The following SYTL2 variants were observed in gnomAD, a reference collection of about 807,000 sequenced individuals.
The protein encoded by SYTL2 is synaptotagmin like 2.
SYTL2 carries 165 observed loss-of-function variants against 198.7 expected under a neutral mutation model. The observed-to-expected ratio is 0.83, with a 90% confidence interval of 0.73 to 0.94. The LOEUF (loss-of-function observed/expected upper bound fraction) is 0.94. Among genes scored for constraint, SYTL2 ranks in the 40% least tolerant of loss-of-function variants. SYTL2 has a pLI of 0.00. For synonymous variants in SYTL2, 966 were observed against 917.7 expected, an observed-to-expected ratio of 1.05 and a Z score of -0.95; for missense variants, 2,835 against 2,582.8, an observed-to-expected ratio of 1.10 and a Z score of -2.12.
At chr11:85,748,075 C>T (rs1404948663) in intron 3 of SYTL2, among the ~76,000 whole-genome samples, 197 bp downstream of exon 3, 1 of 152,174 alleles carries the variant, frequency 6.6e-6, no homozygotes, top group African/African-American at 2.4e-5. Flanking sequence ...TGTTCCTCTA[C>T]ACCACACTGA....
Position 85,724,848 on chromosome 11 carries a change from G to C in SYTL2, c.4510C>G (p.Leu1504Val), listed in dbSNP as rs1000825850. ...AAGGTTTCAGTTTCTTCCTTCAGTA[G>C]TTTTTCTAAGCCAGCACTGAATTCG... ...FLEFSAGLEK[L>V]LKEETETFPS... Residue 1504 changes from leucine to valine, a missense_variant, in exon 8 of 20, where the codon CTA (leucine) becomes GTA (valine). Leu to Val is a conservative substitution (Grantham distance 32, BLOSUM62 1). Transcript: ENST00000359152. 2.5e-6 allele frequency: 4 copies of C among 1,613,524 alleles called. No individual in the cohort carries two copies. Among genetic ancestry groups the C allele is most frequent in the Admixed American group, 1.7e-5 (1 of 59,912 alleles).
At chr11:85,819,767 C>T in the SYTL2 span, among the ~76,000 whole-genome samples, 2 of 152,206 alleles carry the variant, frequency 1.3e-5, no homozygotes, top group Admixed American at 1.3e-4. Flanking sequence ...GATCTCATCC[C>T]TCTCTCTCAT....
In SYTL2 at chr11:85,765,320, G is replaced by A. The variant is rs180692268; in HGVS notation, c.-389-7206C>T. 4.1e-3 allele frequency among the ~76,000 whole-genome samples: 626 copies of A among 152,102 alleles called. 6 individuals are homozygous for A. The highest frequency in any genetic ancestry group is 0.014 in the African/African-American group (592 of 41,510). On this transcript the variant is annotated intron_variant, in intron 1 of 19. Transcript: ENST00000359152. ...GGCGTGATCTCCGCTCACTGCAACC[G>A]CCGCCTCCCAGGTTCAAATGATTCT...
intron 12 of SYTL2, among the ~76,000 whole-genome samples, chr11:85,713,807 T>C (rs757964955): frequency 3.3e-5 from 5 of 152,168 alleles, no homozygotes; most frequent in Non-Finnish European, 5.9e-5. Flanking sequence ...GTACAGTATA[T>C]AGTATAGTCA....
At position 85,727,976 on chromosome 11, in the gene SYTL2, T is replaced by C. The variant is rs200235154; in HGVS notation, c.1391-9A>G. On this transcript the variant is annotated splice_polypyrimidine_tract_variant and intron_variant, in intron 7 of 19. Coordinates refer to ENST00000359152, the MANE Select transcript of SYTL2 (RefSeq NM_206927.4). ...ACAATGAGACAGTTCATCTGCAACA[T>C]AGAAATACTTTTCTAAATAAGAAAA... The C allele has an allele frequency of 3.5e-5, 54 of 1,561,194 alleles. No homozygotes were observed. The highest frequency in any genetic ancestry group is 2.3e-4 in the East Asian group (10 of 44,404).
At chr11:85,728,002 G>C (rs768547367) in intron 7 of SYTL2, 35 bp from the exon 8 acceptor site, 1 of 1,519,908 alleles carries the variant, frequency 6.6e-7, no homozygotes, top group African/African-American at 1.4e-5. Flanking sequence ...AATAAGAAAA[G>C]AGCATGCTTA....
At chr11:85,700,413 A>C (rs962442745) in intron 17 of SYTL2, 102 bp downstream of exon 17, 1 of 869,722 alleles carries the variant, frequency 1.1e-6, no homozygotes, top group African/African-American at 1.7e-5. Flanking sequence ...TACTAACTTG[A>C]TAAGTTTCTT....
upstream of SYTL2, among the ~76,000 whole-genome samples, chr11:85,814,189 G>A (rs181871295): frequency 1.7e-3 from 255 of 152,246 alleles, 1 homozygote; most frequent in Middle Eastern, 0.017. Context: ...ATAGTTTTTG[G>A]AAAGAATAAT....
In SYTL2 at chr11:85,725,319, G is replaced by A; in HGVS notation, c.4039C>T (p.Pro1347Ser). The change falls in exon 8 of 20, where the codon CCT (proline) becomes TCT (serine). Residue 1347 changes from proline to serine, a missense_variant. Physicochemically the swap from Pro to Ser is moderately conservative, Grantham distance 74 (BLOSUM62 -1). Transcript: ENST00000359152. Reference sequence around the variant, plus strand: ...GTCTCCGAAATTTCCGTTTGAGAAGGGTGTACCCTAGCCTGGGGAACAAGA... The same window carrying A: ...GTCTCCGAAATTTCCGTTTGAGAAGAGTGTACCCTAGCCTGGGGAACAAGA... ...AHLVPQARVHPSQTEISETVE... is the reference protein window; with the variant it reads ...AHLVPQARVHSSQTEISETVE... 1.9e-6 allele frequency: 3 copies of A among 1,614,014 alleles called. No homozygotes were observed. The highest frequency in any genetic ancestry group is 2.5e-6 in the Non-Finnish European group (3 of 1,179,944).
chr11:85,736,619 G>C lies in SYTL2; in HGVS notation c.472-4C>G, dbSNP rs1361900215. The C allele has an allele frequency of 2.7e-6, 4 of 1,463,644 alleles. No homozygotes were observed. The African/African-American group carries it at 5.6e-5, about 21-fold the overall frequency. The allele number at this position is 1,463,644 out of a possible 1,614,324, so 90.7% of individuals were successfully genotyped here. On this transcript the variant is annotated splice_region_variant and splice_polypyrimidine_tract_variant and intron_variant, in intron 5 of 19. Transcript: ENST00000359152. ...TATTAAACGGATTCTTCCTCTGCTG[G>C]GGACAAATATTGTTTATTAAACTTA...
chr11:85,752,144 G>A (rs181460827), intron 2 of SYTL2, among the ~76,000 whole-genome samples: 9 of 152,242 alleles, frequency 5.9e-5, no homozygotes, highest in Non-Finnish European at 1.0e-4. Context: ...TGCAGGACCT[G>A]GTTCATAGTA....
intron 16 of SYTL2, among the ~76,000 whole-genome samples, chr11:85,701,104 T>C (rs2084231354): frequency 6.6e-6 from 1 of 152,224 alleles, no homozygotes. Context: ...GACTGAACAA[T>C]AATTTTTTAA....
chr11:85,763,210 C>T (rs538335530), intron 1 of SYTL2, among the ~76,000 whole-genome samples: 124 of 152,236 alleles, frequency 8.1e-4, no homozygotes, highest in Admixed American at 2.6e-3. Flanking sequence ...CAGGACACCG[C>T]AGAGGACAAA....
At chr11:85,813,874 C>T (rs1400937965), upstream of SYTL2, among the ~76,000 whole-genome samples, 1 of 152,126 alleles carries the variant, frequency 6.6e-6, no homozygotes, top group Non-Finnish European at 1.5e-5. Flanking sequence ...AAGCACACAC[C>T]ACCACGCCCA....
At position 85,734,098 on chromosome 11, in the gene SYTL2, T is replaced by C. The variant is rs768849164; in HGVS notation, c.1231A>G (p.Met411Val). The C allele has an allele frequency of 1.7e-5, 27 of 1,614,188 alleles. No homozygotes were observed. The African/African-American group carries it at 1.9e-4, about 11-fold the overall frequency. ...TTAATTGGAAAAGAACCAGAAGTCA[T>C]TGGCTGATGTGTTTCACTTTTTGAT... ...YVSKSETHQP[M>V]TSGSFPINGL... Residue 411 changes from methionine (M) to valine (V), a missense_variant, in exon 7 of 20, where the codon ATG becomes GTG. Physicochemically the swap from Met to Val is conservative, Grantham distance 21. Around this residue, in one of 3 missense-constraint regions of SYTL2, gnomAD observed 2,645 missense variants for 2,381.7 expected, o/e 1.11. Transcript: ENST00000359152.
chr11:85,734,798 A>T, intron 6 of SYTL2, 56 bp from the exon 7 acceptor site: 1 of 1,289,796 alleles, frequency 7.8e-7, no homozygotes, highest in Non-Finnish European at 1.1e-6. Context: ...ATATAATTTA[A>T]AATACCTGTC....
intron 1 of SYTL2, among the ~76,000 whole-genome samples, chr11:85,802,428 G>A (rs183401008): frequency 0.021 from 3,214 of 152,096 alleles, 62 homozygotes; most frequent in Admixed American, 0.039. Context: ...AATGCACCCA[G>A]CCCTCAGTCT....
chr11:85,801,080 A>T (rs553513776), intron 1 of SYTL2, among the ~76,000 whole-genome samples: 71 of 152,342 alleles, frequency 4.7e-4, no homozygotes, highest in Admixed American at 8.5e-4. Context: ...AGGGCCACCT[A>T]GCTTCTTGCC....
the SYTL2 span, among the ~76,000 whole-genome samples, chr11:85,834,760 CTTTTTTT>C: frequency 6.8e-6 from 1 of 146,606 alleles, no homozygotes; most frequent in Non-Finnish European, 1.5e-5. Flanking sequence ...TTTTCTTTTT[CTTTTTTT>C]TTTTTCTTTT....
Sources: allele counts gnomAD v4.1 joint callset (sites outside exome capture counted in the v4.1 genomes callset), GRCh38; gene constraint gnomAD v4.1.1; regional missense constraint gnomAD v4.1.1; transcripts MANE v1.5; gene names NCBI Gene and HGNC (gene_info 2026-07-23, HGNC 2026-07-21).